The following SPMIP3 variants were observed in gnomAD, a reference collection of about 807,000 sequenced individuals.
The protein encoded by SPMIP3 is sperm microtubule inner protein 3, also known as protein SPMIP3.
chr1:244,388,598 GAA>G, the SPMIP3 span, among the ~76,000 whole-genome samples: 1 of 151,982 alleles, frequency 6.6e-6, no homozygotes, highest in Non-Finnish European at 1.5e-5. Flanking sequence ...TGAAAAAAGA[GAA>G]AAAAATAATT....
At chr1:244,375,654 A>T in the SPMIP3 span, 1 of 476,764 alleles carries the variant, frequency 2.1e-6, no homozygotes, top group South Asian at 3.0e-5. Flanking sequence ...GAGTGGTGAG[A>T]TTATTCTTAT....
At chr1:244,373,332 T>TTTTATATATATATATATACATATATATA in the SPMIP3 span, among the ~76,000 whole-genome samples, 3 of 85,148 alleles carry the variant, frequency 3.5e-5, no homozygotes, top group Non-Finnish European at 7.7e-5. Context: ...CAAAAAAAAA[T>TTTTATATATATATATATACATATATATA]TATATATATA....
At chr1:244,367,861 C>T in the SPMIP3 span, among the ~76,000 whole-genome samples, 1 of 152,180 alleles carries the variant, frequency 6.6e-6, no homozygotes, top group Non-Finnish European at 1.5e-5. Flanking sequence ...TGTGGGGAGA[C>T]AATCAGGAAA....
the SPMIP3 span, among the ~76,000 whole-genome samples, chr1:244,382,892 G>C: frequency 6.6e-6 from 1 of 151,750 alleles, no homozygotes; most frequent in Non-Finnish European, 1.5e-5. Context: ...AAGAGCCACC[G>C]TGCCCGGCCC....
chr1:244,361,417 C>T, the SPMIP3 span, among the ~76,000 whole-genome samples: 148 of 151,838 alleles, frequency 9.7e-4, no homozygotes, highest in Middle Eastern at 6.8e-3. Flanking sequence ...TTAGTAAAGA[C>T]GGGGTTTCAT....
the SPMIP3 span, among the ~76,000 whole-genome samples, chr1:244,363,547 G>A: frequency 6.6e-6 from 1 of 152,338 alleles, no homozygotes; most frequent in East Asian, 1.9e-4. Flanking sequence ...AGGGCTGGAA[G>A]AACAGGCTCT....
the SPMIP3 span, among the ~76,000 whole-genome samples, chr1:244,361,377 C>G: frequency 1.3e-5 from 2 of 151,566 alleles, no homozygotes; most frequent in Admixed American, 1.3e-4. Flanking sequence ...TACAGGCATG[C>G]GCCACCATGC....
At chr1:244,358,870 T>G in the SPMIP3 span, among the ~76,000 whole-genome samples, 2 of 152,134 alleles carry the variant, frequency 1.3e-5, no homozygotes, top group Non-Finnish European at 2.9e-5. Context: ...GGGGCATGTC[T>G]AAGCGAGAAT....
chr1:244,372,654 A>G, the SPMIP3 span, among the ~76,000 whole-genome samples: 43 of 152,206 alleles, frequency 2.8e-4, no homozygotes, highest in African/African-American at 4.3e-4. Flanking sequence ...CGCGTTAGCC[A>G]GGATGGTCTC....
chr1:244,382,462 G>A, the SPMIP3 span, among the ~76,000 whole-genome samples: 1 of 152,272 alleles, frequency 6.6e-6, no homozygotes, highest in Non-Finnish European at 1.5e-5. Flanking sequence ...GGAGACCAGT[G>A]TTGTTTGGTG....
At chr1:244,358,349 C>T in the SPMIP3 span, among the ~76,000 whole-genome samples, 2 of 151,848 alleles carry the variant, frequency 1.3e-5, no homozygotes, top group Admixed American at 6.6e-5. Context: ...TTAGGGAGGC[C>T]GAGGTGGGTG....
At chr1:244,386,037 C>CAA in the SPMIP3 span, among the ~76,000 whole-genome samples, 109 of 136,998 alleles carry the variant, frequency 8.0e-4, no homozygotes, top group African/African-American at 2.9e-3. Flanking sequence ...CACACACACA[C>CAA]AAATTAGCTC....
At chr1:244,353,171 G>T in the SPMIP3 span, among the ~76,000 whole-genome samples, 1 of 152,192 alleles carries the variant, frequency 6.6e-6, no homozygotes, top group Non-Finnish European at 1.5e-5. Flanking sequence ...CAAAGAGAGT[G>T]AAGATCGTGG....
At chr1:244,358,677 T>C in the SPMIP3 span, among the ~76,000 whole-genome samples, 1 of 152,094 alleles carries the variant, frequency 6.6e-6, no homozygotes, top group Non-Finnish European at 1.5e-5. Context: ...TGAAAATAGT[T>C]GTTTATGTGT....
At chr1:244,384,168 G>C in the SPMIP3 span, among the ~76,000 whole-genome samples, 35 of 152,306 alleles carry the variant, frequency 2.3e-4, no homozygotes, top group African/African-American at 7.5e-4. Flanking sequence ...GGCGAAGATT[G>C]AATGTGGAGA....
chr1:244,356,373 G>A, the SPMIP3 span, among the ~76,000 whole-genome samples: 1 of 152,116 alleles, frequency 6.6e-6, no homozygotes, highest in Non-Finnish European at 1.5e-5. Context: ...GTATATTATA[G>A]AAATTTGATT....
chr1:244,354,458 C>T, the SPMIP3 span, among the ~76,000 whole-genome samples: 7 of 149,962 alleles, frequency 4.7e-5, no homozygotes, highest in South Asian at 2.1e-4. Context: ...CTGGTTCAAA[C>T]GATTCTCCTG....
chr1:244,369,524 G>C, the SPMIP3 span, among the ~76,000 whole-genome samples: 1 of 152,182 alleles, frequency 6.6e-6, no homozygotes, highest in Admixed American at 6.5e-5. Flanking sequence ...CACAAGGAGT[G>C]AGGTTAAGAG....
At chr1:244,376,596 A>ATCAAAGT in the SPMIP3 span, 1 of 152,232 alleles carries the variant, frequency 6.6e-6, no homozygotes, top group African/African-American at 2.4e-5. Flanking sequence ...CCAGATCTAC[A>ATCAAAGT]TCAAAGTGGG....
Sources: allele counts gnomAD v4.1 joint callset (sites outside exome capture counted in the v4.1 genomes callset), GRCh38; gene constraint gnomAD v4.1.1; transcripts MANE v1.5; gene names NCBI Gene and HGNC (gene_info 2026-07-23, HGNC 2026-07-21).